DLG5: variants seen among roughly 807,000 people sequenced by gnomAD.
The protein encoded by DLG5 is discs large MAGUK scaffold protein 5.
A neutral mutation model predicts 189.8 loss-of-function variants in DLG5; 48 were observed. The observed-to-expected ratio is 0.25, with a 90% CI of 0.20 to 0.32. The LOEUF (loss-of-function observed/expected upper bound fraction) is 0.32. Among genes scored for constraint, DLG5 ranks in the 10% least tolerant of loss-of-function variants. The pLI is 1.00. For synonymous variants in DLG5, 1,016 were observed against 1,054.1 expected (o/e 0.96, Z 0.70); for missense variants, 2,160 against 2,544.7 (o/e 0.85, Z 3.25).
intron 1 of DLG5, among the ~76,000 whole-genome samples, chr10:77,919,033 T>C (rs926582105): frequency 2.6e-5 from 4 of 151,982 alleles, no homozygotes; most frequent in Non-Finnish European, 5.9e-5. Context: ...CTGGCCAAGA[T>C]GGCAAAATCC....
upstream of DLG5, among the ~76,000 whole-genome samples, chr10:77,930,748 A>G (rs1846779078): frequency 6.6e-6 from 1 of 151,626 alleles, no homozygotes; most frequent in Admixed American, 6.6e-5. Context: ...CCTAGGCTCA[A>G]GTGATTCTCC....
chr10:77,835,674 A>T (rs1475550568), intron 8 of DLG5, 64 bp downstream of exon 8: 3 of 1,509,284 alleles, frequency 2.0e-6, no homozygotes, highest in Non-Finnish European at 2.7e-6. Context: ...CTCCCAACAG[A>T]CCCTAGCAGG....
chr10:77,903,321 G>C (rs929925496), intron 1 of DLG5, among the ~76,000 whole-genome samples: 1 of 152,052 alleles, frequency 6.6e-6, no homozygotes, highest in Non-Finnish European at 1.5e-5. Flanking sequence ...CCAGCTACTC[G>C]GGAGGCTGAG....
chr10:77,866,444 G>C (rs1212630883), intron 2 of DLG5, among the ~76,000 whole-genome samples: 1 of 152,208 alleles, frequency 6.6e-6, no homozygotes, highest in Non-Finnish European at 1.5e-5. Context: ...GCCAACTGTG[G>C]TCAATGAAAG....
intron 1 of DLG5, among the ~76,000 whole-genome samples, chr10:77,880,179 TGCAGTG>T (rs1240671309): frequency 1.3e-5 from 2 of 151,744 alleles, no homozygotes; most frequent in Non-Finnish European, 2.9e-5. Context: ...CACAGCCGGG[TGCAGTG>T]GCTCACACCT....
rs536034090 is a variant in DLG5, at chr10:77,790,928, C to G, written c.*1512G>C. 1.1e-4 allele frequency: 16 copies of G among 152,362 alleles called. No individual in the cohort carries two copies. Among genetic ancestry groups the G allele is most frequent in the African/African-American group, 3.8e-4 (16 of 41,590 alleles). 9.4% of individuals were successfully genotyped at this position (152,362 alleles called of 1,614,324 possible). A position where few individuals can be genotyped will look rare whatever the true frequency, so the allele number is the denominator to read the frequency against. ...CTGTACCATCTCAGTCCCACTCTGC[C>G]TGTAACTTAGAAAACAGCCCCTACC... On this transcript the variant is annotated 3_prime_UTR_variant, in exon 32 of 32. Coordinates refer to ENST00000372391, the MANE Select transcript of DLG5 (RefSeq NM_004747.4).
At chr10:77,824,301 C>T in intron 14 of DLG5, 83 bp downstream of exon 14, 1 of 1,043,528 alleles carries the variant, frequency 9.6e-7, no homozygotes, top group Non-Finnish European at 1.4e-6. Flanking sequence ...GATCCTGTGA[C>T]CCCAAGGAGT....
At position 77,821,581 on chromosome 10, in the gene DLG5, T is replaced by A. The variant is rs1842362452; in HGVS notation, c.2903A>T (p.Lys968Met). ...AGGGTCAAAGATGGACTTTCTTTGC[T>A]TTGGCTTTTTATAAACAGAGAGCTT... ...PEKLSVYKKP[K>M]QRKSIFDPNT... The change falls in exon 15 of 32, where the codon AAG becomes ATG. Residue 968 changes from lysine (K) to methionine (M), a missense_variant. Transcript: ENST00000372391. The A allele has an allele frequency of 1.1e-5, 18 of 1,613,036 alleles. No homozygotes were observed. The highest frequency in any genetic ancestry group is 1.5e-5 in the Non-Finnish European group (18 of 1,180,024).
chr10:77,909,178 G>A (rs1248294462), intron 1 of DLG5, among the ~76,000 whole-genome samples: 3 of 152,150 alleles, frequency 2.0e-5, no homozygotes, highest in African/African-American at 7.2e-5. Flanking sequence ...CCTAAAGCTT[G>A]TGTTATCTCA....
At chr10:77,841,851 T>C in intron 7 of DLG5, 30 bp downstream of exon 7, 4 of 1,590,610 alleles carry the variant, frequency 2.5e-6, no homozygotes, top group South Asian at 1.1e-5. Flanking sequence ...TAGGAGAGGC[T>C]GAAAGCCAGC....
At chr10:77,864,589 T>C (rs1355019029) in intron 2 of DLG5, among the ~76,000 whole-genome samples, 1 of 152,214 alleles carries the variant, frequency 6.6e-6, no homozygotes, top group Non-Finnish European at 1.5e-5. Context: ...CCAGACCCAC[T>C]GAATCAGAAA....
chr10:77,856,656 G>T (rs538286828), intron 3 of DLG5, 74 bp downstream of exon 3: 2 of 1,563,830 alleles, frequency 1.3e-6, no homozygotes, highest in Admixed American at 1.7e-5. Context: ...GGGGTGTTTG[G>T]GGGTGACAGC....
chr10:77,912,892 C>G (rs996444433), intron 1 of DLG5, among the ~76,000 whole-genome samples: 6 of 152,074 alleles, frequency 3.9e-5, no homozygotes, highest in Non-Finnish European at 5.9e-5. Flanking sequence ...GCAAGCAGAC[C>G]AGTGGTTTTC....
At chr10:77,933,240 A>AT in the DLG5 span, among the ~76,000 whole-genome samples, 1 of 151,450 alleles carries the variant, frequency 6.6e-6, no homozygotes, top group Non-Finnish European at 1.5e-5. Context: ...ATCAGTGTGT[A>AT]TTTTTTGTTT....
At chr10:77,934,866 T>TTTTTTTTTTTTTTTTTTTTTTTTTTC in the DLG5 span, among the ~76,000 whole-genome samples, 1 of 150,684 alleles carries the variant, frequency 6.6e-6, no homozygotes, top group African/African-American at 2.5e-5. Context: ...TTTTGTTTTT[T>TTTTTTTTTTTTTTTTTTTTTTTTTTC]TTTTTTTTTG....
At position 77,821,585 on chromosome 10, in the gene DLG5, G is replaced by A. The variant is rs143284970; in HGVS notation, c.2899C>T (p.Pro967Ser). Residue 967 changes from proline to serine, a missense_variant, in exon 15 of 32, where the codon CCA (proline) becomes TCA (serine). Physicochemically the swap from Pro to Ser is moderately conservative, Grantham distance 74. Transcript: ENST00000372391. Reference sequence around the variant, plus strand: ...TCAAAGATGGACTTTCTTTGCTTTGGCTTTTTATAAACAGAGAGCTTCTCA... The same window carrying A: ...TCAAAGATGGACTTTCTTTGCTTTGACTTTTTATAAACAGAGAGCTTCTCA... ...VPEKLSVYKK[P>S]KQRKSIFDPN... The A allele has an allele frequency of 6.2e-4, 1,006 of 1,612,942 alleles. 2 individuals carry two copies. Among genetic ancestry groups the A allele is most frequent in the Non-Finnish European group, 7.6e-4 (892 of 1,180,048 alleles).
chr10:77,812,491 G>T, intron 20 of DLG5, 114 bp from the exon 21 acceptor site: 9 of 1,246,500 alleles, frequency 7.2e-6, no homozygotes, highest in Non-Finnish European at 9.9e-6. Context: ...CCCGAGCCTG[G>T]ATGCTCCCAT....
intron 2 of DLG5, chr10:77,867,896 C>G (rs1294620557): frequency 2.2e-6 from 1 of 455,928 alleles, no homozygotes; most frequent in African/African-American, 2.0e-5. Flanking sequence ...GCTCCTAGGC[C>G]AATCTGACCA....
At position 77,853,441 on chromosome 10, in the gene DLG5, G is replaced by A. The variant is rs990046260; in HGVS notation, c.777C>T (p.Asn259=). 7 of 1,610,554 alleles carry A rather than the reference G, an allele frequency of 4.3e-6. No homozygotes were observed. Among genetic ancestry groups the A allele is most frequent in the Non-Finnish European group, 5.9e-6 (7 of 1,178,520 alleles). Residue 259 remains asparagine (N), a synonymous_variant, in exon 5 of 32, where the codon AAC becomes AAT. Transcript: ENST00000372391. ...TGTCCTCCCATGACTGCTGCAGCAG[G>A]TTTCGCTCCCGCAGCAGCTGCCCAT... ...RENGQLLRER[N]LLQQSWEDMK... is the part of the protein sequence containing the mutation.
Sources: gnomAD v4.1 joint callset for allele counts (sites outside exome capture counted in the v4.1 genomes callset) on GRCh38, gnomAD v4.1.1 for gene constraint, MANE v1.5 for transcripts, NCBI Gene and HGNC (gene_info 2026-07-23, HGNC 2026-07-21) for gene names.